Variants in GULP1 observed in about 807,000 individuals in gnomAD.
GULP1 encodes PTB domain-containing engulfment adapter protein 1.
GULP1 carries 19 observed loss-of-function variants against 40.9 expected under a neutral mutation model. That is an observed-to-expected ratio of 0.46 (90% CI 0.32 to 0.68). The LOEUF is 0.68. Among genes scored for constraint, GULP1 ranks in the 30% least tolerant of loss-of-function variants. The pLI, the probability that GULP1 is intolerant of heterozygous loss-of-function variation, is 0.03. For synonymous variants in GULP1, 119 were observed against 117.6 expected, an observed-to-expected ratio of 1.01 and a Z score of -0.08; for missense variants, 312 against 362.2, an observed-to-expected ratio of 0.86 and a Z score of 1.12.
chr2:188,584,811 T>TA (rs2153462664), intron 10 of GULP1, among the ~76,000 whole-genome samples: 1 of 152,186 alleles, frequency 6.6e-6, no homozygotes, highest in East Asian at 1.9e-4. Context: ...ACTTTTTTGT[T>TA]AAAAAATATA....
intron 2 of GULP1, among the ~76,000 whole-genome samples, chr2:188,427,451 A>G (rs6743120): frequency 0.22 from 33,058 of 152,158 alleles, 3,777 homozygotes; most frequent in African/African-American, 0.27. Context: ...AGGCATGGGG[A>G]CCTAGGAGAA....
chr2:188,399,009 A>G (rs1201040994), intron 2 of GULP1, among the ~76,000 whole-genome samples: 1 of 152,200 alleles, frequency 6.6e-6, no homozygotes, highest in Non-Finnish European at 1.5e-5. Flanking sequence ...CTAAACTAGA[A>G]ACTTTTTGAT....
intron 9 of GULP1, among the ~76,000 whole-genome samples, chr2:188,570,551 G>A (rs1483313112): frequency 6.6e-6 from 1 of 152,120 alleles, no homozygotes; most frequent in Non-Finnish European, 1.5e-5. Flanking sequence ...ACATGGTAAG[G>A]GTTCCCGCTG....
intron 1 of GULP1, among the ~76,000 whole-genome samples, chr2:188,336,747 G>T (rs1407438328): frequency 2.0e-5 from 3 of 152,136 alleles, no homozygotes; most frequent in East Asian, 1.9e-4. Flanking sequence ...GAGGCTCAAG[G>T]CTAGAAATTC....
intron 2 of GULP1, among the ~76,000 whole-genome samples, chr2:188,396,405 A>G (rs1487167448): frequency 6.6e-6 from 1 of 152,228 alleles, no homozygotes; most frequent in African/African-American, 2.4e-5. Context: ...AGAGGAGCAC[A>G]GCTGCCTCAG....
At chr2:188,475,113 T>C (rs754260321) in intron 2 of GULP1, among the ~76,000 whole-genome samples, 2 of 152,196 alleles carry the variant, frequency 1.3e-5, no homozygotes, top group African/African-American at 2.4e-5. Flanking sequence ...CTGAACAAAG[T>C]AGCTAGTATC....
chr2:188,330,718 A>C (rs1042687820), intron 1 of GULP1, among the ~76,000 whole-genome samples: 6 of 152,178 alleles, frequency 3.9e-5, no homozygotes, highest in African/African-American at 1.4e-4. Flanking sequence ...ATATTTTGTC[A>C]CCAACAAGCC....
intron 7 of GULP1, among the ~76,000 whole-genome samples, chr2:188,564,729 GT>G (rs1429802741): frequency 6.6e-6 from 1 of 151,848 alleles, no homozygotes; most frequent in African/African-American, 2.4e-5. Flanking sequence ...TTCTAATAAG[GT>G]AATGTAAATT....
intron 6 of GULP1, among the ~76,000 whole-genome samples, chr2:188,532,753 T>TA (rs5837093): frequency 0.88 from 111,073 of 125,724 alleles, 50,004 homozygotes; most frequent in South Asian, 0.98. Flanking sequence ...CTGTCTCTAC[T>TA]AAAAAAAAAA....
intron 2 of GULP1, among the ~76,000 whole-genome samples, chr2:188,434,840 C>T (rs909556110): frequency 1.3e-5 from 2 of 151,708 alleles, no homozygotes; most frequent in African/African-American, 4.8e-5. Context: ...GATTTGTTGA[C>T]AATTTTTGTA....
At chr2:188,456,221 T>G (rs137995239) in intron 2 of GULP1, among the ~76,000 whole-genome samples, 1 of 141,946 alleles carries the variant, frequency 7.0e-6, no homozygotes, top group Non-Finnish European at 1.6e-5. Context: ...GCATAAGTAA[T>G]TTGCATAAGA....
Position 188,522,816 on chromosome 2 carries a change from A to G in GULP1, c.151A>G (p.Arg51Gly). 1 of 1,602,780 alleles carries G rather than the reference A, an allele frequency of 6.2e-7. No individual in the cohort carries two copies. Among genetic ancestry groups the G allele is most frequent in the Non-Finnish European group, 8.5e-7 (1 of 1,170,018 alleles). The change falls in exon 5 of 12, where the codon AGG becomes GGG. Residue 51 changes from arginine to glycine, a missense_variant. Arg to Gly is a moderately radical substitution (Grantham distance 125). Transcript: ENST00000409830. ...AACAGAAGTTGTGAGAGATGCTGTA[A>G]GGAAACTAAAGGTAGGGAAAGGCCT... is the stretch of plus-strand genomic sequence containing the variant. Reference protein sequence around the residue: ...KGTEVVRDAVRKLKFARHIKK... With the variant: ...KGTEVVRDAVGKLKFARHIKK...
chr2:188,403,848 C>T (rs1179589191), intron 2 of GULP1, among the ~76,000 whole-genome samples: 2 of 152,110 alleles, frequency 1.3e-5, no homozygotes, highest in Non-Finnish European at 2.9e-5. Context: ...ACCTGAAAAT[C>T]TCCTGTTTAT....
intron 7 of GULP1, among the ~76,000 whole-genome samples, chr2:188,547,402 C>A (rs1692251962): frequency 1.3e-5 from 2 of 152,052 alleles, no homozygotes; most frequent in Admixed American, 6.6e-5. Context: ...TAAACTCACA[C>A]AATCACAAGG....
At chr2:188,334,047 A>G (rs1218398382) in intron 1 of GULP1, among the ~76,000 whole-genome samples, 1 of 152,120 alleles carries the variant, frequency 6.6e-6, no homozygotes, top group East Asian at 1.9e-4. Flanking sequence ...CTCCACCCCA[A>G]CGCTGAACTC....
At chr2:188,506,772 A>G (rs781736746) in intron 4 of GULP1, among the ~76,000 whole-genome samples, 2 of 152,026 alleles carry the variant, frequency 1.3e-5, no homozygotes, top group Non-Finnish European at 2.9e-5. Flanking sequence ...CTTGAGGACA[A>G]TAACAATTTA....
intron 10 of GULP1, among the ~76,000 whole-genome samples, chr2:188,584,986 G>A (rs1055613785): frequency 2.0e-5 from 3 of 152,134 alleles, no homozygotes; most frequent in Admixed American, 6.5e-5. Context: ...TAAAAAGCAA[G>A]TTAGTTACTT....
At chr2:188,574,272 G>T (rs1699728254) in intron 9 of GULP1, among the ~76,000 whole-genome samples, 1 of 152,090 alleles carries the variant, frequency 6.6e-6, no homozygotes. Flanking sequence ...TTTATTTTCA[G>T]TTTATGATGA....
chr2:188,523,531 A>G (rs1416181816), intron 5 of GULP1, among the ~76,000 whole-genome samples: 1 of 145,002 alleles, frequency 6.9e-6, no homozygotes, highest in Non-Finnish European at 1.5e-5. Context: ...CAGCTTTATC[A>G]TATAAGAAAA....
Sources: gnomAD v4.1 joint callset for allele counts (sites outside exome capture counted in the v4.1 genomes callset) on GRCh38, gnomAD v4.1.1 for gene constraint, MANE v1.5 for transcripts, NCBI Gene and HGNC (gene_info 2026-07-23, HGNC 2026-07-21) for gene names.